The following DACH2 variants were observed in gnomAD, a reference collection of about 807,000 sequenced individuals.
The protein encoded by DACH2 is dachshund family transcription factor 2.
DACH2 carries 17 observed loss-of-function variants against 35.8 expected under a neutral mutation model. The ratio of observed to expected loss-of-function variants is 0.48; its 90% CI spans 0.33 to 0.71. DACH2 has a LOEUF of 0.71. DACH2 is among the 30% of genes least tolerant of loss of function. DACH2 has a pLI of 0.02. For missense variants in DACH2, 469 were observed against 472.7 expected (o/e 0.99, Z 0.07); for synonymous variants, 195 against 177.3 (o/e 1.10, Z -0.79).
chrX:86,644,493 G>T (rs941287810), intron 3 of DACH2, among the ~76,000 whole-genome samples: 1 of 111,244 alleles, frequency 9.0e-6, no homozygotes, highest in East Asian at 2.8e-4. Flanking sequence ...TGGCTAGACT[G>T]CCCAAAGCAA....
intron 1 of DACH2, among the ~76,000 whole-genome samples, chrX:86,228,696 G>A (rs1267367061): frequency 9.0e-6 from 1 of 111,198 alleles, no homozygotes; most frequent in East Asian, 2.8e-4. Context: ...GTTTTGATTT[G>A]CATTTTCCTG....
At chrX:86,742,087 A>T (rs1436915228) in intron 7 of DACH2, among the ~76,000 whole-genome samples, 1 of 111,079 alleles carries the variant, frequency 9.0e-6, no homozygotes, top group Non-Finnish European at 1.9e-5. Context: ...CTAGAAAAAA[A>T]TGTTGACAAT....
intron 4 of DACH2, among the ~76,000 whole-genome samples, chrX:86,679,616 C>CTGTGTGTGTGTG (rs67988965): frequency 7.1e-4 from 68 of 96,287 alleles, no homozygotes; most frequent in African/African-American, 2.4e-3. Context: ...CTCTCTGTCT[C>CTGTGTGTGTGTG]TGTGTGTGTG....
At chrX:86,599,518 C>CTT (rs1569449953) in intron 3 of DACH2, among the ~76,000 whole-genome samples, 2 of 97,226 alleles carry the variant, frequency 2.1e-5, no homozygotes, top group African/African-American at 7.7e-5. Flanking sequence ...TTCTTTCTTT[C>CTT]AAAGAGTCTC....
At chrX:86,728,789 T>G (rs951333549) in intron 6 of DACH2, among the ~76,000 whole-genome samples, 37 of 112,894 alleles carry the variant, frequency 3.3e-4, no homozygotes, top group African/African-American at 1.1e-3. Context: ...CTGATGTTAA[T>G]ACTACAGACA....
At chrX:86,187,987 T>C (rs2031730235) in intron 1 of DACH2, among the ~76,000 whole-genome samples, 1 of 112,320 alleles carries the variant, frequency 8.9e-6, no homozygotes, top group African/African-American at 3.2e-5. Flanking sequence ...ACTGGTCCTA[T>C]CTTCCAGTGA....
At chrX:86,420,372 T>C (rs1488687549) in intron 2 of DACH2, among the ~76,000 whole-genome samples, 1 of 112,323 alleles carries the variant, frequency 8.9e-6, no homozygotes. Context: ...GGCAGACTGT[T>C]AATAAATTTT....
intron 1 of DACH2, chrX:86,160,298 A>C (rs2030706463): frequency 2.6e-6 from 3 of 1,164,352 alleles, no homozygotes; most frequent in Non-Finnish European, 3.5e-6. Flanking sequence ...CTTCTGATCC[A>C]CTGCCTTGAT....
At chrX:86,393,560 C>T (rs988382331) in intron 2 of DACH2, among the ~76,000 whole-genome samples, 2 of 111,980 alleles carry the variant, frequency 1.8e-5, no homozygotes, top group African/African-American at 6.5e-5. Flanking sequence ...GGCAGAACTC[C>T]CATGGCTTGG....
At chrX:86,580,883 G>C (rs2039492934) in intron 3 of DACH2, among the ~76,000 whole-genome samples, 1 of 111,323 alleles carries the variant, frequency 9.0e-6, no homozygotes, top group African/African-American at 3.3e-5. Flanking sequence ...AGAAAATGTA[G>C]AGAACCCTTG....
chrX:86,153,071 G>A (rs2030421370), intron 1 of DACH2, among the ~76,000 whole-genome samples: 1 of 111,415 alleles, frequency 9.0e-6, no homozygotes, highest in Non-Finnish European at 1.9e-5. Context: ...CAACATAAAA[G>A]TAAAATATTG....
chrX:86,754,573 G>A (rs905556515), intron 7 of DACH2, among the ~76,000 whole-genome samples: 9 of 109,816 alleles, frequency 8.2e-5, no homozygotes, highest in African/African-American at 3.0e-4. Context: ...TTCATACCCC[G>A]CTCCCACCCT....
At chrX:86,442,000 T>C (rs1396637896) in intron 2 of DACH2, among the ~76,000 whole-genome samples, 2 of 109,108 alleles carry the variant, frequency 1.8e-5, no homozygotes, top group African/African-American at 3.3e-5. Flanking sequence ...GAGTAATTGG[T>C]ATTATAGGCA....
At chrX:86,349,394 G>T (rs1218866299) in intron 1 of DACH2, among the ~76,000 whole-genome samples, 1 of 111,675 alleles carries the variant, frequency 9.0e-6, no homozygotes, top group Non-Finnish European at 1.9e-5. Flanking sequence ...TGCCCGCTAG[G>T]GTCTCAGGGT....
chrX:86,784,322 A>T (rs773158262), intron 7 of DACH2, among the ~76,000 whole-genome samples: 62 of 110,842 alleles, frequency 5.6e-4, no homozygotes, highest in Non-Finnish European at 8.1e-4. Context: ...AAAGGACCTG[A>T]ACAGACGTCT....
chrX:86,692,563 A>C (rs980741777), intron 4 of DACH2, among the ~76,000 whole-genome samples: 2 of 112,221 alleles, frequency 1.8e-5, no homozygotes, highest in African/African-American at 6.5e-5. Flanking sequence ...CTAATGTACC[A>C]TTTCATATTA....
intron 2 of DACH2, among the ~76,000 whole-genome samples, chrX:86,402,928 G>A (rs759116647): frequency 3.6e-5 from 4 of 111,845 alleles, no homozygotes; most frequent in African/African-American, 1.3e-4. Context: ...AATAAGCAAA[G>A]GGGAAAGGAC....
chrX:86,654,198 A>G (rs187101926), intron 4 of DACH2, among the ~76,000 whole-genome samples: 1 of 101,368 alleles, frequency 9.9e-6, no homozygotes, highest in African/African-American at 4.0e-5. Flanking sequence ...AAAAAAAAAA[A>G]AAAAAAAAAA....
chrX:86,680,907 G>A (rs2040874273), intron 4 of DACH2, among the ~76,000 whole-genome samples: 1 of 110,602 alleles, frequency 9.0e-6, no homozygotes, highest in African/African-American at 3.3e-5. Flanking sequence ...TCCTGCCTCA[G>A]CCTCCCACAT....
Sources: allele counts gnomAD v4.1 joint callset (sites outside exome capture counted in the v4.1 genomes callset), GRCh38; gene constraint gnomAD v4.1.1; transcripts MANE v1.5; gene names NCBI Gene and HGNC (gene_info 2026-07-23, HGNC 2026-07-21).